SPAG9: variants seen among roughly 807,000 people sequenced by gnomAD.
SPAG9 encodes the protein sperm associated antigen 9, also known as C-Jun-amino-terminal kinase-interacting protein 4.
A neutral mutation model predicts 166.5 loss-of-function variants in SPAG9; 35 were observed. The ratio of observed to expected loss-of-function variants is 0.21; its 90% CI spans 0.16 to 0.28. SPAG9 has a LOEUF of 0.28. Among genes scored for constraint, SPAG9 ranks in the 10% least tolerant of loss-of-function variants. The probability of loss-of-function intolerance (pLI) is 1.00; values close to 1 mark genes in which losing one functional copy is unlikely to be tolerated. For missense variants in SPAG9, 1,235 were observed against 1,603.3 expected (o/e 0.77, Z 3.92); for synonymous variants, 534 against 565.5 (o/e 0.94, Z 0.79).
At chr17:51,021,706 A>C (rs2045942817) in intron 6 of SPAG9, among the ~76,000 whole-genome samples, 1 of 152,232 alleles carries the variant, frequency 6.6e-6, no homozygotes. Context: ...CCTACTTTAG[A>C]ACATTTAGAA....
intron 26 of SPAG9, among the ~76,000 whole-genome samples, chr17:50,977,570 A>C (rs1300932391): frequency 6.6e-6 from 1 of 152,198 alleles, no homozygotes; most frequent in African/African-American, 2.4e-5. Context: ...GGGAACTGTA[A>C]AACCAAACCA....
chr17:50,970,906 C>CTT, intron 28 of SPAG9, 50 bp from the exon 29 acceptor site: 1 of 1,471,014 alleles, frequency 6.8e-7, no homozygotes, highest in Non-Finnish European at 9.3e-7. Context: ...AGAAGGGAGG[C>CTT]TGTTTTGTTT....
intron 25 of SPAG9, 40 bp downstream of exon 25, chr17:50,982,484 C>A: frequency 6.4e-7 from 1 of 1,563,696 alleles, no homozygotes; most frequent in South Asian, 1.2e-5. Flanking sequence ...TCGGATAATA[C>A]AAATTCAATA....
chr17:51,086,631 C>T (rs1189972205), intron 1 of SPAG9, among the ~76,000 whole-genome samples: 1 of 150,962 alleles, frequency 6.6e-6, no homozygotes, highest in African/African-American at 2.4e-5. Context: ...CCTGCCTGGG[C>T]AATGGAGCAA....
intron 1 of SPAG9, among the ~76,000 whole-genome samples, chr17:51,107,928 G>A (rs909539864): frequency 6.6e-5 from 10 of 151,438 alleles, no homozygotes; most frequent in African/African-American, 1.9e-4. Flanking sequence ...AAAAAAAAGG[G>A]AGGGGGGCAG....
chr17:50,989,895 T>C, intron 20 of SPAG9, 23 bp from the exon 21 acceptor site: 1 of 1,605,918 alleles, frequency 6.2e-7, no homozygotes, highest in Non-Finnish European at 8.5e-7. Flanking sequence ...TAAAACACTA[T>C]TCCAAGTCTG....
At chr17:50,972,528 A>T (rs1329968586) in intron 28 of SPAG9, among the ~76,000 whole-genome samples, 1 of 152,252 alleles carries the variant, frequency 6.6e-6, no homozygotes, top group Non-Finnish European at 1.5e-5. Context: ...TATTATTCAC[A>T]ACTATGAACA....
chr17:51,082,447 T>C (rs67883481), intron 1 of SPAG9, among the ~76,000 whole-genome samples: 35,417 of 150,378 alleles, frequency 0.24, 5,027 homozygotes, highest in Admixed American at 0.33. Flanking sequence ...GTTTATTTTC[T>C]TTAGAGTACT....
In SPAG9 at chr17:50,974,783, C is replaced by A. The variant is rs745500585; in HGVS notation, c.3688G>T (p.Val1230Leu). The change falls in exon 28 of 30, where the codon GTG (valine) becomes TTG (leucine). Residue 1230 changes from valine (V) to leucine (L), a missense_variant. Coordinates refer to ENST00000262013, the MANE Select transcript of SPAG9 (RefSeq NM_001130528.3). ...HGHRDAVKFF[V>L]AVPGQVISPQ... ...TAATCTAACATACCTGGGACTGCCACAAAGAATTTCACAGCATCCCGGTGC... is the reference window on the plus strand; with the variant it reads ...TAATCTAACATACCTGGGACTGCCAAAAAGAATTTCACAGCATCCCGGTGC... 11 of 1,598,068 alleles carry A rather than the reference C, an allele frequency of 6.9e-6. No homozygotes were observed. Among genetic ancestry groups the A allele is most frequent in the Non-Finnish European group, 8.5e-6 (10 of 1,175,758 alleles).
chr17:50,979,408 A>G (rs986371001), intron 26 of SPAG9, among the ~76,000 whole-genome samples: 1 of 151,252 alleles, frequency 6.6e-6, no homozygotes. Context: ...AGAGTAAGGT[A>G]GATTGAAACG....
rs1598080201 is a variant in SPAG9, at chr17:51,046,919, C to T, written c.590+456G>A. 4.0e-6 allele frequency: 6 copies of T among 1,492,836 alleles called. No individual in the cohort carries two copies. The East Asian group carries it at 1.6e-4, about 40-fold the overall frequency. The allele number at this position is 1,492,836 out of a possible 1,614,324, so 92.5% of individuals were successfully genotyped here. On this transcript the variant is annotated intron_variant, in intron 4 of 29. Transcript: ENST00000262013. ...CAGCCAGCCTATTAACTATTTTCCC[C>T]TCCACTAAGAGTCCTGGCTTAGCTC...
rs771164093 is a variant in SPAG9 at position 51,120,621 on chromosome 17, C to A, written c.36G>T (p.Glu12Asp). The change falls in exon 1 of 30, where the codon GAG (glutamate) becomes GAT (aspartate). Residue 12 changes from glutamate (E) to aspartate (D), a missense_variant. Around this residue, in one of 6 missense-constraint regions of SPAG9, gnomAD observed 83 missense variants for 149.8 expected, o/e 0.55. Transcript: ENST00000262013. This position sits in a 1 kb window ranked among gnomAD's most constrained non-coding sequence, Gnocchi z 4.7. Reference protein sequence around the residue: ...ELEDGVVYQEEPGGSGAVMSE... With the variant: ...ELEDGVVYQEDPGGSGAVMSE... ...ACATCACGGCCCCGGAGCCGCCGGG[C>A]TCCTCCTGATACACCACACCGTCCT... 4 of 1,611,360 alleles carry A rather than the reference C, an allele frequency of 2.5e-6. No homozygotes were observed. Among genetic ancestry groups the A allele is most frequent in the African/African-American group, 1.3e-5 (1 of 74,840 alleles).
chr17:51,069,391 T>C lies in SPAG9; in HGVS notation c.424+10193A>G, dbSNP rs1363348278. ...AAGCACAGTAAAGGATCTGATAAAG[T>C]TTTGTACAAGCCTGAATGTATTTTT... On this transcript the variant is annotated intron_variant, in intron 2 of 29. Transcript: ENST00000262013. 5.3e-5 allele frequency among the ~76,000 whole-genome samples: 8 copies of C among 152,064 alleles called. No individual in the cohort carries two copies. In the East Asian group the frequency reaches 1.5e-3, roughly 29 times the overall value.
intron 1 of SPAG9, among the ~76,000 whole-genome samples, chr17:51,114,019 A>G (rs1215879534): frequency 6.6e-6 from 1 of 151,612 alleles, no homozygotes; most frequent in Admixed American, 6.6e-5. Context: ...AAGATCTATA[A>G]AAATATTAAA....
chr17:51,106,702 T>C (rs1598193354), intron 1 of SPAG9, among the ~76,000 whole-genome samples: 1 of 151,698 alleles, frequency 6.6e-6, no homozygotes, highest in Non-Finnish European at 1.5e-5. Context: ...GAAGCTAGGG[T>C]GGGAAAATCA....
chr17:51,065,117 C>T (rs993935364), intron 2 of SPAG9, among the ~76,000 whole-genome samples: 1 of 151,988 alleles, frequency 6.6e-6, no homozygotes, highest in Admixed American at 6.6e-5. Context: ...GAACAAAATT[C>T]CATCTCAAAA....
chr17:50,966,081 T>A lies in SPAG9; in HGVS notation c.*191A>T. ...ATACTGAAGTTACCTATAACACTGG[T>A]GCAGTAACACAGCTAGTTCCTCTGT... On this transcript the variant is annotated 3_prime_UTR_variant, in exon 30 of 30. Transcript: ENST00000262013. The A allele has an allele frequency of 1.8e-6, 1 of 570,106 alleles. No individual in the cohort carries two copies. The highest frequency in any genetic ancestry group is 3.2e-6 in the Non-Finnish European group (1 of 315,752). 35.3% of individuals were successfully genotyped at this position (570,106 alleles called of 1,614,324 possible). A position where few individuals can be genotyped will look rare whatever the true frequency, so the allele number is the denominator to read the frequency against.
rs1322410260 is a variant in SPAG9, at chr17:50,963,318, C to T, written c.*2954G>A. ...TCCTTTGCTGCTTGTGAGAAGCTTACATTTTGGCATTTTCTTCCAAAAATT... is the reference window on the plus strand; with the variant it reads ...TCCTTTGCTGCTTGTGAGAAGCTTATATTTTGGCATTTTCTTCCAAAAATT... On this transcript the variant is annotated 3_prime_UTR_variant, in exon 30 of 30. Coordinates refer to ENST00000262013, the MANE Select transcript of SPAG9 (RefSeq NM_001130528.3). 3 of 152,186 alleles carry T rather than the reference C, an allele frequency of 2.0e-5. No homozygotes were observed. The highest frequency in any genetic ancestry group is 4.4e-5 in the Non-Finnish European group (3 of 68,038). The allele number at this position is 152,186 out of a possible 1,614,324, so 9.4% of individuals were successfully genotyped here.
intron 1 of SPAG9, among the ~76,000 whole-genome samples, chr17:51,083,047 G>A (rs1424573457): frequency 6.6e-6 from 1 of 152,094 alleles, no homozygotes; most frequent in Non-Finnish European, 1.5e-5. Flanking sequence ...GCATAGAGAA[G>A]AGCAGGCCTG....
Sources: gnomAD v4.1 joint callset for allele counts (sites outside exome capture counted in the v4.1 genomes callset) on GRCh38, gnomAD v4.1.1 for gene constraint, gnomAD v4.1.1 regional missense constraint, Gnocchi (gnomAD v3.1) non-coding constraint, MANE v1.5 for transcripts, NCBI Gene and HGNC (gene_info 2026-07-23, HGNC 2026-07-21) for gene names.